Variants in NOL6 observed in about 807,000 individuals in gnomAD.
NOL6 encodes nucleolar RNA-associated protein.
A neutral mutation model predicts 131.7 loss-of-function variants in NOL6; 33 were observed. The observed-to-expected ratio is 0.25, with a 90% confidence interval of 0.19 to 0.33. NOL6 has a LOEUF of 0.33. Ranked by LOEUF, NOL6 falls within the 10% of genes least tolerant of loss-of-function variation. NOL6 has a pLI of 1.00. For synonymous variants in NOL6, 580 were observed against 605.7 expected, an observed-to-expected ratio of 0.96 and a Z score of 0.62; for missense variants, 1,297 against 1,494.5, an observed-to-expected ratio of 0.87 and a Z score of 2.18.
Position 33,473,829 on chromosome 9 carries a change from G to T in NOL6, c.14C>A (p.Pro5Gln), listed in dbSNP as rs1827481279. 1 of 1,611,364 alleles carries T rather than the reference G, an allele frequency of 6.2e-7. No individual in the cohort carries two copies. The highest frequency in any genetic ancestry group is 1.3e-5 in the African/African-American group (1 of 74,982). The part of the protein sequence containing the change: MGPA[P>Q]AGEQLRGATG... ...CGCTCCGCGAAGCTGCTCTCCAGCT[G>T]GCGCCGGCCCCATCACTCAGGGTCC... Residue 5 changes from proline (P) to glutamine (Q), a missense_variant, in exon 1 of 26, where the codon CCA becomes CAA. By Grantham distance (76) the Pro-to-Gln change is moderately conservative (BLOSUM62 -1). Transcript: ENST00000297990.
chr9:33,472,440 T>G (rs756449487), intron 1 of NOL6, 28 bp from the exon 2 acceptor site: 2 of 1,590,960 alleles, frequency 1.3e-6, no homozygotes, highest in Middle Eastern at 3.3e-4. Flanking sequence ...GAAGCCATTT[T>G]GAGGTAATAG....
intron 1 of NOL6, 106 bp downstream of exon 1, chr9:33,473,683 C>T: frequency 6.0e-6 from 8 of 1,339,458 alleles, no homozygotes; most frequent in Non-Finnish European, 7.3e-6. Context: ...CAGAATGGGC[C>T]GCCGGCATGG....
Position 33,467,278 on chromosome 9 carries a change from T to G in NOL6, c.1726-16A>C, listed in dbSNP as rs1587220260. On this transcript the variant is annotated splice_polypyrimidine_tract_variant and intron_variant, in intron 13 of 25. Transcript: ENST00000297990. This position sits in a 1 kb window ranked among gnomAD's most constrained non-coding sequence, Gnocchi z 4.4. ...ATTTAGCAGCCTGAGGAGGCAAGGGTGGTAGTAGAGCTGGGGAAGGAAGGG... is the reference window on the plus strand; with the variant it reads ...ATTTAGCAGCCTGAGGAGGCAAGGGGGGTAGTAGAGCTGGGGAAGGAAGGG... The G allele has an allele frequency of 6.2e-7, 1 of 1,613,012 alleles. No individual in the cohort carries two copies. Among genetic ancestry groups the G allele is most frequent in the Admixed American group, 1.7e-5 (1 of 59,972 alleles).
Position 33,464,899 on chromosome 9 carries a change from T to C in NOL6, c.2759A>G (p.Asn920Ser), listed in dbSNP as rs142747625. Residue 920 changes from asparagine to serine, a missense_variant, in exon 21 of 26, where the codon AAC (asparagine) becomes AGC (serine). By Grantham distance (46) the Asn-to-Ser change is conservative (BLOSUM62 1). Coordinates refer to ENST00000297990, the MANE Select transcript of NOL6 (RefSeq NM_022917.5). The stretch of plus-strand genomic sequence containing the variant: ...CTTACCAGTGAGCTCATTATTGAGG[T>C]TGACAAAGAGGGGGTTGTTCTTCCA... ...FDWKNNPLFV[N>S]LNNELTVEEQ... 2.3e-3 allele frequency: 3,774 copies of C among 1,613,554 alleles called. 11 individuals carry two copies. The highest frequency in any genetic ancestry group is 2.7e-3 in the Non-Finnish European group (3,152 of 1,179,644).
At position 33,472,243 on chromosome 9, in the gene NOL6, G is replaced by T; in HGVS notation, c.224C>A (p.Thr75Asn). ...TNEELNRLRE[T>N]EILFHSSLLR... ...CAAGCTGGAGTGGAACAAGATCTCA[G>T]TCTCCCGAAGGCGATTAAGCTCCTC... The change falls in exon 2 of 26, where the codon ACT (threonine) becomes AAT (asparagine). Residue 75 changes from threonine (T) to asparagine (N), a missense_variant. Transcript: ENST00000297990. The T allele has an allele frequency of 1.2e-6, 2 of 1,614,234 alleles. No homozygotes were observed. Among genetic ancestry groups the T allele is most frequent in the South Asian group, 2.2e-5 (2 of 91,086 alleles).
At position 33,467,429 on chromosome 9, in the gene NOL6, C is replaced by A. The variant is rs200677942; in HGVS notation, c.1690G>T (p.Val564Phe). The A allele has an allele frequency of 9.3e-6, 15 of 1,614,202 alleles. No individual in the cohort carries two copies. The Admixed American group carries it at 1.5e-4, about 16-fold the overall frequency. ...LLLRPEGLTS[V>F]LELGPEADQP... is the part of the protein sequence containing the mutation. ...TCTGCCTCTGGACCCAGCTCAAGGA[C>A]GCTGGTCAGTCCCTCAGGCCGGAGA... The change falls in exon 13 of 26, where the codon GTC (valine) becomes TTC (phenylalanine). Residue 564 changes from valine to phenylalanine, a missense_variant. By Grantham distance (50) the Val-to-Phe change is conservative. Coordinates refer to ENST00000297990, the MANE Select transcript of NOL6 (RefSeq NM_022917.5). This position sits in a 1 kb window ranked among gnomAD's most constrained non-coding sequence, Gnocchi z 4.4.
In NOL6 at chr9:33,467,964, T is replaced by C. The variant is rs764212230; in HGVS notation, c.1424+66A>G. ...GATCTGAGCACCTGTCTGAAGACCT[T>C]TGCCCCACCACTGTAGCCCCGAAGA... is the stretch of plus-strand genomic sequence containing the variant. On this transcript the variant is annotated intron_variant, in intron 11 of 25. Transcript: ENST00000297990. This position sits in a 1 kb window ranked among gnomAD's most constrained non-coding sequence, Gnocchi z 4.4. 3 of 1,610,926 alleles carry C rather than the reference T, an allele frequency of 1.9e-6. No homozygotes were observed. Among genetic ancestry groups the C allele is most frequent in the Non-Finnish European group, 2.5e-6 (3 of 1,177,934 alleles).
At chr9:33,463,513 C>T (rs746534077) in intron 23 of NOL6, 72 bp from the exon 24 acceptor site, 58 of 1,384,238 alleles carry the variant, frequency 4.2e-5, no homozygotes, top group Middle Eastern at 1.9e-4. Flanking sequence ...CCTCTCCACA[C>T]GCCCACCTTG....
Position 33,467,043 on chromosome 9 carries a change from T to C in NOL6, c.1875-56A>G. ...ATTTGGGGCTATGTTCTCGCTCAAC[T>C]GCCTGGGCCAGACCCCTGAAAAGGC... On this transcript the variant is annotated intron_variant, in intron 14 of 25. Transcript: ENST00000297990. This position sits in a 1 kb window ranked among gnomAD's most constrained non-coding sequence, Gnocchi z 4.4. 1 of 1,613,428 alleles carries C rather than the reference T, an allele frequency of 6.2e-7. No homozygotes were observed. The highest frequency in any genetic ancestry group is 8.5e-7 in the Non-Finnish European group (1 of 1,179,512).
rs376740139 is a variant in NOL6, at chr9:33,468,977, C to T, written c.1007G>A (p.Arg336Gln). Residue 336 changes from arginine to glutamine, a missense_variant, in exon 7 of 26, where the codon CGG becomes CAG. Transcript: ENST00000297990. Reference protein sequence around the residue: ...DGVALLKVWLRQRELDKGQGG... With the variant: ...DGVALLKVWLQQRELDKGQGG... ...ACTCACCTTGTCCAGCTCCCGCTGC[C>T]GCAGCCAGACCTTCAGAAGTGCCAC... 3.3e-5 allele frequency: 54 copies of T among 1,614,152 alleles called. No homozygotes were observed. The East Asian group carries it at 5.1e-4, about 15-fold the overall frequency.
chr9:33,468,061 G>A lies in NOL6; in HGVS notation c.1393C>T (p.Pro465Ser), dbSNP rs1279717436. ...ACATGGTCAAAAGCCCGGATCATGG[G>A]TTTGGGAGTCATCAACAGCAGGTGG... is the stretch of plus-strand genomic sequence containing the variant. The part of the protein sequence containing the change: ...GFHLLLMTPK[P>S]MIRAFDHVLH... Residue 465 changes from proline to serine, a missense_variant, in exon 11 of 26, where the codon CCC (proline) becomes TCC (serine). Transcript: ENST00000297990. 3.1e-6 allele frequency: 5 copies of A among 1,614,046 alleles called. No homozygotes were observed. Among genetic ancestry groups the A allele is most frequent in the Non-Finnish European group, 3.4e-6 (4 of 1,180,034 alleles).
intron 2 of NOL6, 33 bp downstream of exon 2, chr9:33,472,173 C>T: frequency 2.5e-6 from 4 of 1,613,694 alleles, no homozygotes; most frequent in Non-Finnish European, 3.4e-6. Context: ...CAGGTACACA[C>T]CTCGAACAAA....
chr9:33,463,530 T>C (rs1827158639), intron 23 of NOL6, 89 bp from the exon 24 acceptor site: 1 of 1,246,640 alleles, frequency 8.0e-7, no homozygotes, highest in Admixed American at 2.5e-5. Flanking sequence ...CTTGGTTTCC[T>C]CCTTCCATCT....
chr9:33,465,375 G>A lies in NOL6; in HGVS notation c.2529-16C>T, dbSNP rs557124830. 46 of 1,572,158 alleles carry A rather than the reference G, an allele frequency of 2.9e-5. No individual in the cohort carries two copies. The South Asian group carries it at 4.7e-4, about 16-fold the overall frequency. On this transcript the variant is annotated splice_polypyrimidine_tract_variant and intron_variant, in intron 19 of 25. Transcript: ENST00000297990. Reference sequence around the variant, plus strand: ...CTGCTGCAGTCTGCAGAGAGAAGGGGAGTGTCAGCGAGACTCAGGGCCCCA... The same window carrying A: ...CTGCTGCAGTCTGCAGAGAGAAGGGAAGTGTCAGCGAGACTCAGGGCCCCA...
Position 33,462,257 on chromosome 9 carries a change from C to G in NOL6, c.*407G>C. 1 of 715,938 alleles carries G rather than the reference C, an allele frequency of 1.4e-6. No homozygotes were observed. Among genetic ancestry groups the G allele is most frequent in the East Asian group, 2.7e-5 (1 of 37,288 alleles). The allele number at this position is 715,938 out of a possible 1,614,324, so 44.3% of individuals were successfully genotyped here. A position where few individuals can be genotyped will look rare whatever the true frequency, so the allele number is the denominator to read the frequency against. On this transcript the variant is annotated 3_prime_UTR_variant, in exon 26 of 26. Coordinates refer to ENST00000297990, the MANE Select transcript of NOL6 (RefSeq NM_022917.5). ...GTGAAGGGCATGCTAAGTCTAGGCA[C>G]AGGTCCTGGCAGCAGGAAGGAGACA...
chr9:33,473,193 G>C (rs760652839), intron 1 of NOL6, among the ~76,000 whole-genome samples: 2 of 152,146 alleles, frequency 1.3e-5, no homozygotes, highest in Non-Finnish European at 2.9e-5. Context: ...AGCTAGAACC[G>C]ACTGGACCCC....
At chr9:33,463,720 G>C in intron 23 of NOL6, 111 bp downstream of exon 23, 2 of 1,190,154 alleles carry the variant, frequency 1.7e-6, no homozygotes, top group South Asian at 2.8e-5. Flanking sequence ...CACCTCCTCT[G>C]TTCAGTCTCA....
intron 23 of NOL6, 53 bp downstream of exon 23, chr9:33,463,778 T>A: frequency 6.3e-7 from 1 of 1,586,140 alleles, no homozygotes; most frequent in Non-Finnish European, 8.6e-7. Context: ...ACGCTGAACT[T>A]CCAAAGACAG....
chr9:33,472,448 T>C lies in NOL6; in HGVS notation c.55-36A>G, dbSNP rs754198410. The C allele has an allele frequency of 5.1e-6, 8 of 1,558,262 alleles. No homozygotes were observed. In the South Asian group the frequency reaches 5.7e-5, roughly 11 times the overall value. On this transcript the variant is annotated intron_variant, in intron 1 of 25. Coordinates refer to ENST00000297990, the MANE Select transcript of NOL6 (RefSeq NM_022917.5). The stretch of plus-strand genomic sequence containing the variant: ...TGAGGGAGAAGCCATTTTGAGGTAA[T>C]AGGTATCTAGCATCTGCTGCCTAAA...
Sources: allele counts gnomAD v4.1 joint callset (sites outside exome capture counted in the v4.1 genomes callset), GRCh38; gene constraint gnomAD v4.1.1; non-coding constraint Gnocchi (gnomAD v3.1); transcripts MANE v1.5; gene names NCBI Gene and HGNC (gene_info 2026-07-23, HGNC 2026-07-21).